Variants in SS18L1 observed in about 807,000 individuals in gnomAD.
SS18L1 encodes the protein SS18L1 subunit of BAF chromatin remodeling complex, also known as calcium-responsive transactivator.
Under a neutral mutation model 70.3 loss-of-function variants are expected in SS18L1, and 32 were observed. The observed-to-expected ratio is 0.46, with a 90% CI of 0.34 to 0.61. The LOEUF (loss-of-function observed/expected upper bound fraction) is 0.61. SS18L1 is among the 20% of genes least tolerant of loss of function. The pLI, the probability that SS18L1 is intolerant of heterozygous loss-of-function variation, is 0.01. For synonymous variants in SS18L1, 237 were observed against 229.7 expected, an observed-to-expected ratio of 1.03 and a Z score of -0.29; for missense variants, 430 against 542.1, an observed-to-expected ratio of 0.79 and a Z score of 2.05.
chr20:62,151,049 G>A (rs575510523), intron 1 of SS18L1, among the ~76,000 whole-genome samples: 3 of 152,300 alleles, frequency 2.0e-5, no homozygotes, highest in Admixed American at 6.5e-5. Flanking sequence ...GCCAGCCCCG[G>A]CAGTGAGCCT....
chr20:62,153,682 A>G lies in SS18L1; in HGVS notation c.70-4990A>G, dbSNP rs531230407. On this transcript the variant is annotated intron_variant, in intron 1 of 10. Transcript: ENST00000331758. ...GAGTTGTTGATTGTTTTTCTTTTCA[A>G]TCACTTGTCACTAGTGTATCTCCTC... is the stretch of plus-strand genomic sequence containing the variant. Among the ~76,000 whole-genome samples the G allele has an allele frequency of 4.4e-4, 66 of 151,590 alleles. 3 individuals carry two copies. The South Asian group carries it at 0.014, about 31-fold the overall frequency.
rs1258687544 is a variant in SS18L1 at position 62,161,533 on chromosome 20, G to A, written c.329G>A (p.Ser110Asn). Residue 110 changes from serine (S) to asparagine (N), a missense_variant, in exon 4 of 11, where the codon AGC becomes AAC. Transcript: ENST00000331758. The surrounding 1 kb of genome is among the most constrained non-coding windows in gnomAD (Gnocchi z 4.4). ...CAGGGCAGCCTGAGTGACGCCATCA[G>A]CACGGGCCTGCCACCCTCCTCCCTC... ...HSQGSLSDAI[S>N]TGLPPSSLLQ... is the part of the protein sequence containing the mutation. 10 of 1,612,348 alleles carry A rather than the reference G, an allele frequency of 6.2e-6. No individual in the cohort carries two copies. In the Admixed American group the frequency reaches 1.7e-4, roughly 27 times the overall value.
rs187395049 is a variant in SS18L1, at chr20:62,179,102, C to A, written c.1165-80C>A. 65 of 1,519,202 alleles carry A rather than the reference C, an allele frequency of 4.3e-5. 1 individual carries two copies. The highest frequency in any genetic ancestry group is 2.4e-4 in the South Asian group (21 of 88,748). 94.1% of individuals were successfully genotyped at this position (1,519,202 alleles called of 1,614,324 possible). A position where few individuals can be genotyped will look rare whatever the true frequency, so the allele number is the denominator to read the frequency against. On this transcript the variant is annotated intron_variant, in intron 10 of 10. Coordinates refer to ENST00000331758, the MANE Select transcript of SS18L1 (RefSeq NM_198935.3). ...TTGCTTGCTGTTGTCCCTCCTACCC[C>A]CTGTCCGGGCTGGGGTGGACGTCTG...
rs779299373 is a variant in SS18L1 at position 62,162,791 on chromosome 20, C to T, written c.416C>T (p.Thr139Met). Residue 139 changes from threonine (T) to methionine (M), a missense_variant, in exon 5 of 11, where the codon ACG becomes ATG. Coordinates refer to ENST00000331758, the MANE Select transcript of SS18L1 (RefSeq NM_198935.3). ...TCCATGCAGCAGACGGCGCCTAACA[C>T]GCTGCCCACCACCTCCATGAGCATC... ...HVSMQQTAPN[T>M]LPTTSMSISG... 2.5e-6 allele frequency: 4 copies of T among 1,612,448 alleles called. No individual in the cohort carries two copies. The highest frequency in any genetic ancestry group is 1.7e-5 in the Admixed American group (1 of 59,972).
Position 62,165,474 on chromosome 20 carries a change from C to G in SS18L1, c.876C>G (p.Asp292Glu). 1 of 1,613,186 alleles carries G rather than the reference C, an allele frequency of 6.2e-7. No homozygotes were observed. Among genetic ancestry groups the G allele is most frequent in the African/African-American group, 1.3e-5 (1 of 75,048 alleles). The change falls in exon 8 of 11, where the codon GAC becomes GAG. Residue 292 changes from aspartate to glutamate, a missense_variant. Transcript: ENST00000331758. Reference sequence around the variant, plus strand: ...CATCCTACACGGAGCAGAGCTACGACCGGTCCTTCGAGGAGTCCACGCAGC... The same window carrying G: ...CATCCTACACGGAGCAGAGCTACGAGCGGTCCTTCGAGGAGTCCACGCAGC... ...QQSSYTEQSY[D>E]RSFEESTQHY...
intron 1 of SS18L1, among the ~76,000 whole-genome samples, chr20:62,152,209 G>A (rs1322764451): frequency 1.3e-5 from 2 of 152,174 alleles, no homozygotes; most frequent in East Asian, 3.9e-4. Context: ...GCCCACGTCG[G>A]TCTTCACCCG....
chr20:62,165,510 G>C lies in SS18L1; in HGVS notation c.912G>C (p.Glu304Asp). 6.2e-7 allele frequency: 1 copy of C among 1,611,224 alleles called. No individual in the cohort carries two copies. The highest frequency in any genetic ancestry group is 2.2e-5 in the East Asian group (1 of 44,800). ...AGGAGTCCACGCAGCACTACTATGA[G>C]GGGGGTAAGGAGCACGGCTGCGTGC... ...SFEESTQHYY[E>D]GGNSQYSQQQ... The change falls in exon 8 of 11, where the codon GAG (glutamate) becomes GAC (aspartate). Residue 304 changes from glutamate to aspartate, a missense_variant. By Grantham distance (45) the Glu-to-Asp change is conservative. Coordinates refer to ENST00000331758, the MANE Select transcript of SS18L1 (RefSeq NM_198935.3).
intron 8 of SS18L1, among the ~76,000 whole-genome samples, chr20:62,166,087 CA>C (rs1193027027): frequency 6.6e-6 from 1 of 152,254 alleles, no homozygotes; most frequent in Non-Finnish European, 1.5e-5. Context: ...TCTGTGCCCC[CA>C]CCCTGGCTGC....
At chr20:62,144,182 T>A (rs1258562007) in intron 1 of SS18L1, among the ~76,000 whole-genome samples, 1 of 151,238 alleles carries the variant, frequency 6.6e-6, no homozygotes, top group East Asian at 1.9e-4. Flanking sequence ...CGCTGGAGGC[T>A]GCCGGCCCCC....
At chr20:62,164,085 C>A in intron 6 of SS18L1, 60 bp from the exon 7 acceptor site, 1 of 1,469,976 alleles carries the variant, frequency 6.8e-7, no homozygotes, top group East Asian at 2.5e-5. Flanking sequence ...AGTGAGCGAG[C>A]AGGTCCTCTG....
chr20:62,151,093 G>A (rs1015198880), intron 1 of SS18L1, among the ~76,000 whole-genome samples: 7 of 152,276 alleles, frequency 4.6e-5, no homozygotes, highest in Middle Eastern at 6.8e-3. Context: ...TGGCTTCCAG[G>A]GCCCCACACA....
Position 62,164,080 on chromosome 20 carries a change from G to A in SS18L1, c.722-65G>A, listed in dbSNP as rs1406179684. ...AGCAAGGCCTTGGCTTCCCCAGTGA[G>A]CGAGCAGGTCCTCTGAGGGAGGAGG... is the stretch of plus-strand genomic sequence containing the variant. On this transcript the variant is annotated intron_variant, in intron 6 of 10. Coordinates refer to ENST00000331758, the MANE Select transcript of SS18L1 (RefSeq NM_198935.3). 3 of 1,459,240 alleles carry A rather than the reference G, an allele frequency of 2.1e-6. No homozygotes were observed. The African/African-American group carries it at 4.2e-5, about 20-fold the overall frequency. 90.4% of individuals were successfully genotyped at this position (1,459,240 alleles called of 1,614,324 possible). A position where few individuals can be genotyped will look rare whatever the true frequency, so the allele number is the denominator to read the frequency against.
chr20:62,159,080 G>T lies in SS18L1; in HGVS notation c.146+332G>T, dbSNP rs575037369. The T allele has an allele frequency of 1.4e-6, 2 of 1,443,762 alleles. No individual in the cohort carries two copies. The highest frequency in any genetic ancestry group is 2.8e-5 in the African/African-American group (2 of 72,000). 89.4% of individuals were successfully genotyped at this position (1,443,762 alleles called of 1,614,324 possible). ...TCCCGAGAGTCCCTGGCACAGCTGC[G>T]AAGCATTGCTGCCAGAACTGGGGTA... On this transcript the variant is annotated intron_variant, in intron 2 of 10. Transcript: ENST00000331758. The surrounding 1 kb of genome is among the most constrained non-coding windows in gnomAD (Gnocchi z 4.4).
rs1193375946 is a variant in SS18L1 at position 62,158,894 on chromosome 20, G to A, written c.146+146G>A. On this transcript the variant is annotated intron_variant, in intron 2 of 10. Coordinates refer to ENST00000331758, the MANE Select transcript of SS18L1 (RefSeq NM_198935.3). The surrounding 1 kb of genome is among the most constrained non-coding windows in gnomAD (Gnocchi z 4.5). ...CACGGAGGCCAGATATGTCCCAGGA[G>A]TCCCCTGCACAGAGGCCAGATATGT... 1.9e-6 allele frequency: 3 copies of A among 1,601,454 alleles called. No individual in the cohort carries two copies. Among genetic ancestry groups the A allele is most frequent in the African/African-American group, 2.7e-5 (2 of 74,546 alleles).
rs1256012798 is a variant in SS18L1 at position 62,161,830 on chromosome 20, A to C, written c.376+250A>C. ...ACACTGTCACGTTCCATCAAATTCA[A>C]ATGCAAGTTGCGGGGTTCCAGGTGG... On this transcript the variant is annotated intron_variant, in intron 4 of 10. Coordinates refer to ENST00000331758, the MANE Select transcript of SS18L1 (RefSeq NM_198935.3). This position sits in a 1 kb window ranked among gnomAD's most constrained non-coding sequence, Gnocchi z 4.4. Among the ~76,000 whole-genome samples the C allele has an allele frequency of 6.6e-6, 1 of 152,176 alleles. No homozygotes were observed. The highest frequency in any genetic ancestry group is 1.5e-5 in the Non-Finnish European group (1 of 68,026).
chr20:62,178,538 C>G (rs1336738028), intron 10 of SS18L1, among the ~76,000 whole-genome samples: 3 of 152,134 alleles, frequency 2.0e-5, no homozygotes, highest in Non-Finnish European at 4.4e-5. Flanking sequence ...TCAAGCAGTC[C>G]TCCTGCCTCG....
chr20:62,179,080 C>T, intron 10 of SS18L1, 102 bp from the exon 11 acceptor site: 5 of 1,300,402 alleles, frequency 3.8e-6, no homozygotes, highest in Non-Finnish European at 5.5e-6. Context: ...AGGTTGTTTG[C>T]TTGCTGTTGT....
At position 62,167,038 on chromosome 20, in the gene SS18L1, G is replaced by GTTTTTTTTT. The variant is rs201677571; in HGVS notation, c.916+1527_916+1528insTTTTTTTTT. Among the ~76,000 whole-genome samples, 317 of 110,882 alleles carry GTTTTTTTTT rather than the reference G, an allele frequency of 2.9e-3. 10 individuals carry two copies. Among genetic ancestry groups the GTTTTTTTTT allele is most frequent in the African/African-American group, 4.9e-3 (105 of 21,526 alleles). The allele number at this position is 110,882 out of a possible 152,430, so 72.7% of individuals were successfully genotyped here. A position where few individuals can be genotyped will look rare whatever the true frequency, so the allele number is the denominator to read the frequency against. ...GAGGATTGCTTGAGCTCAGGAGTTT[G>GTTTTTTTTT]TTTGTTTTTTTTTTTTTTTTTTTTT... On this transcript the variant is annotated intron_variant, in intron 8 of 10. Transcript: ENST00000331758.
At chr20:62,146,605 A>ATTTTT (rs10673768) in intron 1 of SS18L1, among the ~76,000 whole-genome samples, 2,142 of 79,706 alleles carry the variant, frequency 0.027, 329 homozygotes, top group Middle Eastern at 0.043. Flanking sequence ...TGCTTTGATC[A>ATTTTT]TTTTTTTTTT....
Sources: allele counts gnomAD v4.1 joint callset (sites outside exome capture counted in the v4.1 genomes callset), GRCh38; gene constraint gnomAD v4.1.1; non-coding constraint Gnocchi (gnomAD v3.1); transcripts MANE v1.5; gene names NCBI Gene and HGNC (gene_info 2026-07-23, HGNC 2026-07-21).